The following UTRN variants were observed in gnomAD, a reference collection of about 807,000 sequenced individuals.
UTRN encodes the protein dystrophin-related protein 1.
In UTRN, 283 loss-of-function variants were observed where a neutral mutation model predicts 463.9. The ratio of observed to expected loss-of-function variants is 0.61; its 90% CI spans 0.55 to 0.67. UTRN has a LOEUF of 0.67. Ranked by LOEUF, UTRN falls within the 30% of genes least tolerant of loss-of-function variation. The probability of loss-of-function intolerance (pLI) is 0.00; values close to 1 mark genes in which losing one functional copy is unlikely to be tolerated. For synonymous variants in UTRN, 1,442 were observed against 1,431.5 expected (o/e 1.01, Z -0.17); for missense variants, 3,922 against 4,084.3 (o/e 0.96, Z 1.08).
chr6:144,784,872 C>G (rs778514907), intron 61 of UTRN, among the ~76,000 whole-genome samples: 8 of 152,166 alleles, frequency 5.3e-5, no homozygotes, highest in Non-Finnish European at 8.8e-5. Context: ...CAGGACTAAC[C>G]TCCCTTCTAT....
chr6:144,560,045 T>A (rs543918880), intron 50 of UTRN, among the ~76,000 whole-genome samples: 1 of 152,198 alleles, frequency 6.6e-6, no homozygotes, highest in African/African-American at 2.4e-5. Flanking sequence ...GTCGTCTCAT[T>A]GTCAGGCACT....
At chr6:144,486,190 G>A (rs1584977231) in intron 28 of UTRN, among the ~76,000 whole-genome samples, 1 of 152,232 alleles carries the variant, frequency 6.6e-6, no homozygotes, top group East Asian at 1.9e-4. Context: ...TGTGGGAACT[G>A]AGTGGACAAC....
intron 74 of UTRN, among the ~76,000 whole-genome samples, chr6:144,850,233 C>T (rs1782373109): frequency 6.6e-6 from 1 of 152,120 alleles, no homozygotes; most frequent in Admixed American, 6.5e-5. Context: ...GCTCCGTGGG[C>T]AGTTTTTCCA....
intron 2 of UTRN, among the ~76,000 whole-genome samples, chr6:144,302,233 G>A (rs574670418): frequency 6.9e-4 from 105 of 152,202 alleles, no homozygotes; most frequent in African/African-American, 2.3e-3. Context: ...ACTTGTGGCC[G>A]TGTGCAGTGG....
At chr6:144,758,133 G>A (rs1394724501) in intron 58 of UTRN, 144 bp downstream of exon 58, 7 of 602,258 alleles carry the variant, frequency 1.2e-5, no homozygotes, top group African/African-American at 9.5e-5. Context: ...ATATTAAAAA[G>A]AAACTACTTT....
intron 51 of UTRN, among the ~76,000 whole-genome samples, chr6:144,602,751 A>G (rs1804398122): frequency 6.6e-6 from 1 of 152,178 alleles, no homozygotes; most frequent in African/African-American, 2.4e-5. Flanking sequence ...CAGACTCCAT[A>G]CAGACAGGGG....
intron 18 of UTRN, among the ~76,000 whole-genome samples, chr6:144,453,456 A>G (rs990578295): frequency 2.0e-5 from 3 of 152,078 alleles, no homozygotes; most frequent in Non-Finnish European, 4.4e-5. Flanking sequence ...TTTTTGTTCA[A>G]CAACTTCTGT....
intron 51 of UTRN, among the ~76,000 whole-genome samples, chr6:144,637,204 A>G (rs762654410): frequency 6.6e-6 from 1 of 152,134 alleles, no homozygotes; most frequent in Non-Finnish European, 1.5e-5. Flanking sequence ...TCCTGAGCTC[A>G]AGCAATCTAA....
chr6:144,789,487 A>C (rs890740188), intron 62 of UTRN, among the ~76,000 whole-genome samples: 2 of 152,182 alleles, frequency 1.3e-5, no homozygotes, highest in Admixed American at 1.3e-4. Context: ...TATAACTAAG[A>C]GGTGAGGTGC....
At chr6:144,433,103 CA>C (rs1786049563) in intron 9 of UTRN, among the ~76,000 whole-genome samples, 1 of 152,230 alleles carries the variant, frequency 6.6e-6, no homozygotes, top group Non-Finnish European at 1.5e-5. Flanking sequence ...ACAGACACGG[CA>C]ACCATCCGAT....
chr6:144,351,098 A>T (rs1047103427), intron 2 of UTRN, among the ~76,000 whole-genome samples: 3 of 152,178 alleles, frequency 2.0e-5, no homozygotes, highest in African/African-American at 7.2e-5. Flanking sequence ...TAGCAGAAAG[A>T]TGCTGTGGAG....
intron 41 of UTRN, among the ~76,000 whole-genome samples, chr6:144,527,088 C>T (rs1434285648): frequency 2.0e-5 from 3 of 152,128 alleles, no homozygotes; most frequent in South Asian, 2.1e-4. Context: ...ACGTGAGCCA[C>T]CACACCTGGC....
intron 51 of UTRN, among the ~76,000 whole-genome samples, chr6:144,657,107 AG>A (rs1361291303): frequency 6.6e-6 from 1 of 152,060 alleles, no homozygotes; most frequent in East Asian, 1.9e-4. Context: ...AAAATTAGCC[AG>A]GCGTGGTGGC....
chr6:144,533,593 G>A (rs12664494), intron 43 of UTRN, among the ~76,000 whole-genome samples: 12,650 of 152,152 alleles, frequency 0.083, 1,135 homozygotes, highest in East Asian at 0.54. Context: ...CTGGGTTCAA[G>A]ATCAGACCTT....
At chr6:144,589,099 G>C (rs1029577347) in intron 51 of UTRN, among the ~76,000 whole-genome samples, 58 of 152,302 alleles carry the variant, frequency 3.8e-4, no homozygotes, top group Non-Finnish European at 8.2e-4. Context: ...AGGCTTATGT[G>C]AAAGTATGGC....
At chr6:144,629,680 A>G (rs4895646) in intron 51 of UTRN, among the ~76,000 whole-genome samples, 16,663 of 152,208 alleles carry the variant, frequency 0.11, 1,496 homozygotes, top group East Asian at 0.53. Context: ...TTGAACTCCA[A>G]TGTAGATGTT....
intron 52 of UTRN, among the ~76,000 whole-genome samples, chr6:144,699,302 G>T (rs1000199416): frequency 6.6e-6 from 1 of 151,910 alleles, no homozygotes; most frequent in Non-Finnish European, 1.5e-5. Flanking sequence ...ACCGGGCATG[G>T]TGGCACATGC....
intron 54 of UTRN, among the ~76,000 whole-genome samples, chr6:144,741,053 T>C (rs1195683851): frequency 6.6e-6 from 1 of 152,236 alleles, no homozygotes; most frequent in Non-Finnish European, 1.5e-5. Context: ...AATGTACTTA[T>C]GTTTTGTGAT....
intron 2 of UTRN, among the ~76,000 whole-genome samples, chr6:144,312,564 T>C (rs1775010517): frequency 6.6e-6 from 1 of 152,228 alleles, no homozygotes; most frequent in Non-Finnish European, 1.5e-5. Flanking sequence ...TTTAATCATA[T>C]TGCACTAGGA....
Sources: gnomAD v4.1 joint callset for allele counts (sites outside exome capture counted in the v4.1 genomes callset) on GRCh38, gnomAD v4.1.1 for gene constraint, MANE v1.5 for transcripts, NCBI Gene and HGNC (gene_info 2026-07-23, HGNC 2026-07-21) for gene names.